The following FCGRT variants were observed in gnomAD, a reference collection of about 807,000 sequenced individuals.
FCGRT encodes the protein Fc gamma receptor and transporter.
A neutral mutation model predicts 35.7 loss-of-function variants in FCGRT; 13 were observed. The ratio of observed to expected loss-of-function variants is 0.36; its 90% CI spans 0.24 to 0.58. The LOEUF (loss-of-function observed/expected upper bound fraction) is 0.58, where lower values mean the gene tolerates loss of function less well. FCGRT is among the 20% of genes least tolerant of loss of function. FCGRT has a pLI of 0.77. For missense variants in FCGRT, 455 were observed against 474.9 expected (o/e 0.96, Z 0.39); for synonymous variants, 233 against 216.5 (o/e 1.08, Z -0.67).
intron 4 of FCGRT, among the ~76,000 whole-genome samples, chr19:49,517,643 C>T (rs1443065294): frequency 6.6e-6 from 1 of 152,142 alleles, no homozygotes; most frequent in Non-Finnish European, 1.5e-5. Flanking sequence ...CTCACTTCCC[C>T]ACCCCACTTC....
chr19:49,514,287 C>A lies in FCGRT; in HGVS notation c.402C>A (p.Ala134=). The A allele has an allele frequency of 6.2e-7, 1 of 1,612,280 alleles. No homozygotes were observed. Residue 134 remains alanine (A), a synonymous_variant, in exon 4 of 7, where the codon GCC becomes GCA. Transcript: ENST00000221466. ...DNTSVPTAKF[A]LNGEEFMNFD... is the part of the protein sequence containing the mutation. The stretch of plus-strand genomic sequence containing the variant: ...CCTCGGTGCCCACCGCCAAGTTCGC[C>A]CTGAACGGCGAGGAGTTCATGAATT...
Position 49,524,489 on chromosome 19 carries a change from C to G in FCGRT, c.602-18C>G. 6.2e-7 allele frequency: 1 copy of G among 1,601,372 alleles called. No individual in the cohort carries two copies. Among genetic ancestry groups the G allele is most frequent in the Non-Finnish European group, 8.5e-7 (1 of 1,171,400 alleles). On this transcript the variant is annotated intron_variant, in intron 4 of 6. Coordinates refer to ENST00000221466, the MANE Select transcript of FCGRT (RefSeq NM_001136019.3). ...TGGTGGGCTCGCGACTTAGGCCTGT[C>G]TGCCTGATTTCCTGCAGAGCCCCCC...
chr19:49,519,823 A>C (rs919874978), intron 4 of FCGRT, among the ~76,000 whole-genome samples: 2 of 145,740 alleles, frequency 1.4e-5, no homozygotes, highest in Non-Finnish European at 3.0e-5. Context: ...CCATTGCCTT[A>C]ATCTTTTTTT....
At position 49,514,197 on chromosome 19, in the gene FCGRT, T is replaced by G. The variant is rs762859752; in HGVS notation, c.326-14T>G. ...TGCTCCGGGGCCCCGCTTACCTGTG[T>G]TTGGGCGCCCCAGGTCCCTACACTC... On this transcript the variant is annotated splice_polypyrimidine_tract_variant and intron_variant, in intron 3 of 6. Transcript: ENST00000221466. 4 of 1,608,916 alleles carry G rather than the reference T, an allele frequency of 2.5e-6. No homozygotes were observed. Among genetic ancestry groups the G allele is most frequent in the Non-Finnish European group, 2.5e-6 (3 of 1,176,894 alleles).
chr19:49,523,544 G>C (rs2080054539), intron 4 of FCGRT, among the ~76,000 whole-genome samples: 1 of 151,968 alleles, frequency 6.6e-6, no homozygotes, highest in Non-Finnish European at 1.5e-5. Flanking sequence ...CTCCAGCCTG[G>C]GTGACAGAGC....
intron 2 of FCGRT, 54 bp downstream of exon 2, chr19:49,513,527 C>A: frequency 9.1e-7 from 1 of 1,100,566 alleles, no homozygotes; most frequent in Non-Finnish European, 1.2e-6. Context: ...GGGAGGCGGC[C>A]CCAGGCAGGC....
chr19:49,513,271 G>A (rs966792187), intron 1 of FCGRT, 116 bp from the exon 2 acceptor site: 12 of 417,972 alleles, frequency 2.9e-5, no homozygotes, highest in Admixed American at 8.8e-5. Flanking sequence ...TTGTCAGTCT[G>A]GACCGAGCCC....
In FCGRT at chr19:49,524,779, G is replaced by T; in HGVS notation, c.871+3G>T. The T allele has an allele frequency of 6.3e-7, 1 of 1,598,846 alleles. No homozygotes were observed. ...GCAGCCCCTCAGGGTGGAGCTGGGT[G>T]AGGTCCCGCCAGGTGGTGATGCTCC... On this transcript the variant is annotated splice_donor_region_variant and intron_variant, in intron 5 of 6. Coordinates refer to ENST00000221466, the MANE Select transcript of FCGRT (RefSeq NM_001136019.3).
intron 4 of FCGRT, among the ~76,000 whole-genome samples, chr19:49,518,387 G>A (rs1383728567): frequency 4.3e-5 from 6 of 140,896 alleles, no homozygotes; most frequent in Non-Finnish European, 1.5e-5. Context: ...TCCTTTTTGA[G>A]ACAGGGTCTT....
chr19:49,523,214 CTAAT>C (rs999643696), intron 4 of FCGRT, among the ~76,000 whole-genome samples: 6 of 152,080 alleles, frequency 3.9e-5, no homozygotes, highest in African/African-American at 1.4e-4. Flanking sequence ...GAAGAATTCA[CTAAT>C]TGATGTCTTC....
At chr19:49,513,361 G>GGGGGGGC in intron 1 of FCGRT, 26 bp from the exon 2 acceptor site, 1 of 1,036,398 alleles carries the variant, frequency 9.6e-7, no homozygotes, top group East Asian at 3.3e-5. Context: ...GGGTCGGGAG[G>GGGGGGGC]AGTCACGTGC....
chr19:49,524,806 G>T, intron 5 of FCGRT, 30 bp downstream of exon 5: 1 of 1,590,620 alleles, frequency 6.3e-7, no homozygotes, highest in South Asian at 1.1e-5. Flanking sequence ...TGATGCTCCT[G>T]GTTTCCCGTT....
intron 4 of FCGRT, 61 bp downstream of exon 4, chr19:49,514,547 C>T: frequency 6.9e-7 from 1 of 1,454,604 alleles, no homozygotes; most frequent in Non-Finnish European, 9.1e-7. Context: ...CCACCTGCCT[C>T]AGTTCCCCTG....
At chr19:49,524,806 G>C in intron 5 of FCGRT, 30 bp downstream of exon 5, 1 of 1,590,620 alleles carries the variant, frequency 6.3e-7, no homozygotes, top group Non-Finnish European at 8.5e-7. Flanking sequence ...TGATGCTCCT[G>C]GTTTCCCGTT....
intron 4 of FCGRT, chr19:49,521,707 T>C (rs979331487): frequency 2.7e-5 from 4 of 150,724 alleles, no homozygotes; most frequent in African/African-American, 7.3e-5. Context: ...ACTTGCACTG[T>C]TGCCTAGACT....
chr19:49,513,496 GCCCTGCTGC>G (rs1907222737), intron 2 of FCGRT, 23 bp downstream of exon 2: 1 of 1,237,722 alleles, frequency 8.1e-7, no homozygotes, highest in Non-Finnish European at 1.0e-6. Context: ...CCGGGCCAGG[GCCCTGCTGC>G]AGGCGGGCGG....
intron 4 of FCGRT, among the ~76,000 whole-genome samples, chr19:49,522,723 C>T (rs1273375505): frequency 6.6e-6 from 1 of 150,576 alleles, no homozygotes; most frequent in African/African-American, 2.4e-5. Context: ...TGAGCCACCA[C>T]ACCTGTCCTG....
intron 1 of FCGRT, 32 bp from the exon 2 acceptor site, chr19:49,513,355 C>A: frequency 1.4e-5 from 6 of 438,012 alleles, no homozygotes; most frequent in South Asian, 2.2e-4. Context: ...GGCCGGGGGT[C>A]GGGAGGAGTC....
At chr19:49,522,932 C>T (rs1381929318) in intron 4 of FCGRT, among the ~76,000 whole-genome samples, 2 of 151,788 alleles carry the variant, frequency 1.3e-5, no homozygotes, top group African/African-American at 2.4e-5. Context: ...CGCCGGCCAC[C>T]ACGCCCGGCT....
Sources: allele counts gnomAD v4.1 joint callset (sites outside exome capture counted in the v4.1 genomes callset), GRCh38; gene constraint gnomAD v4.1.1; transcripts MANE v1.5; gene names NCBI Gene and HGNC (gene_info 2026-07-23, HGNC 2026-07-21).